MROH2B: variants seen among roughly 807,000 people sequenced by gnomAD.
MROH2B encodes maestro heat like repeat family member 2B, also known as maestro heat-like repeat-containing protein family member 2B.
A neutral mutation model predicts 208.6 loss-of-function variants in MROH2B; 177 were observed. The observed-to-expected ratio is 0.85, with a 90% confidence interval of 0.75 to 0.96. The LOEUF is 0.96. Among genes scored for constraint, MROH2B ranks in the 40% least tolerant of loss-of-function variants. The pLI is 0.00. For synonymous variants in MROH2B, 728 were observed against 659.0 expected (o/e 1.10, Z -1.60); for missense variants, 2,002 against 1,878.7 (o/e 1.07, Z -1.21).
rs746510721 is a variant in MROH2B at position 41,057,393 on chromosome 5, G to T, written c.757-33C>A. The T allele has an allele frequency of 2.7e-6, 4 of 1,504,130 alleles. No individual in the cohort carries two copies. In the South Asian group the frequency reaches 4.9e-5, roughly 18 times the overall value. The allele number at this position is 1,504,130 out of a possible 1,614,324, so 93.2% of individuals were successfully genotyped here. A position where few individuals can be genotyped will look rare whatever the true frequency, so the allele number is the denominator to read the frequency against. On this transcript the variant is annotated intron_variant, in intron 7 of 41. Transcript: ENST00000399564. Reference sequence around the variant, plus strand: ...GGAAACTCCCACAGGTTAGTTGGAGGCTGCCAGGGAAGCAGCTGCACAGGA... The same window carrying T: ...GGAAACTCCCACAGGTTAGTTGGAGTCTGCCAGGGAAGCAGCTGCACAGGA...
chr5:41,002,172 A>G (rs539803333), intron 37 of MROH2B, among the ~76,000 whole-genome samples: 55 of 152,368 alleles, frequency 3.6e-4, no homozygotes, highest in African/African-American at 1.3e-3. Context: ...TTAGTTAAAA[A>G]AGCTTGAATT....
intron 6 of MROH2B, among the ~76,000 whole-genome samples, chr5:41,058,426 A>C (rs1743530258): frequency 6.6e-6 from 1 of 152,118 alleles, no homozygotes; most frequent in South Asian, 2.1e-4. Context: ...ACTGATACTC[A>C]TTTCAATACT....
At chr5:41,039,634 G>T in intron 19 of MROH2B, 79 bp from the exon 20 acceptor site, 2 of 982,526 alleles carry the variant, frequency 2.0e-6, no homozygotes, top group Non-Finnish European at 1.5e-6. Context: ...CCTATTATGT[G>T]CCAGGTATCC....
intron 10 of MROH2B, 81 bp from the exon 11 acceptor site, chr5:41,054,921 A>T: frequency 1.1e-6 from 1 of 929,158 alleles, no homozygotes. Flanking sequence ...AGCTATTAGA[A>T]TTATGGCACA....
At chr5:41,028,777 T>C (rs1451064593) in intron 24 of MROH2B, among the ~76,000 whole-genome samples, 4 of 152,110 alleles carry the variant, frequency 2.6e-5, no homozygotes, top group Non-Finnish European at 4.4e-5. Flanking sequence ...AATATGGTGG[T>C]ACAGATAACT....
Position 41,000,241 on chromosome 5 carries a change from G to A in MROH2B, c.4461C>T (p.Tyr1487=), listed in dbSNP as rs1001420. The change falls in exon 39 of 42, where the codon TAC becomes TAT. Residue 1487 remains tyrosine, a synonymous_variant. Transcript: ENST00000399564. The part of the protein sequence containing the change: ...DQDLPRARDF[Y]RQFCVKLAKK... ...TCACCAGTTTCACACAGAATTGCCT[G>A]TAGAAATCCCTGGCCCTTGGTAGAT... The A allele has an allele frequency of 0.68, 1,097,984 of 1,613,428 alleles. 375,532 individuals carry two copies. Among genetic ancestry groups the A allele is most frequent in the Non-Finnish European group, 0.7 (820,893 of 1,179,596 alleles).
chr5:41,005,956 A>G (rs901731851), intron 34 of MROH2B, among the ~76,000 whole-genome samples: 5 of 150,640 alleles, frequency 3.3e-5, no homozygotes, highest in African/African-American at 1.2e-4. Flanking sequence ...GTTTGAACCC[A>G]GGAGACAGAG....
chr5:41,039,654 TG>T, intron 19 of MROH2B, 99 bp from the exon 20 acceptor site: 1 of 783,410 alleles, frequency 1.3e-6, no homozygotes, highest in Non-Finnish European at 2.0e-6. Context: ...CTTTAGGTGC[TG>T]GGGGTACAGT....
intron 13 of MROH2B, among the ~76,000 whole-genome samples, chr5:41,049,973 T>G (rs1439068910): frequency 6.6e-6 from 1 of 152,226 alleles, no homozygotes; most frequent in African/African-American, 2.4e-5. Flanking sequence ...TCTCTTGTCC[T>G]AATGGAAACC....
intron 24 of MROH2B, among the ~76,000 whole-genome samples, chr5:41,030,458 A>G (rs1467388856): frequency 1.3e-5 from 2 of 152,022 alleles, no homozygotes; most frequent in African/African-American, 4.8e-5. Flanking sequence ...AAGCACTGCT[A>G]AAAGAAATCA....
chr5:40,999,010 T>C (rs1363339072), intron 40 of MROH2B, among the ~76,000 whole-genome samples: 2 of 152,204 alleles, frequency 1.3e-5, no homozygotes, highest in Admixed American at 6.5e-5. Context: ...GGGGGGATCA[T>C]ATGTATGATT....
At chr5:41,052,623 A>G (rs769958301) in intron 11 of MROH2B, 36 bp from the exon 12 acceptor site, 40 of 1,558,674 alleles carry the variant, frequency 2.6e-5, no homozygotes, top group Non-Finnish European at 3.3e-5. Context: ...ACATTTTACT[A>G]TGTTTTGCAG....
chr5:41,068,829 AG>A (rs1270662902), intron 2 of MROH2B, among the ~76,000 whole-genome samples: 1 of 152,186 alleles, frequency 6.6e-6, no homozygotes, highest in Non-Finnish European at 1.5e-5. Context: ...GATTACCTCC[AG>A]GTGCTTAAAA....
intron 15 of MROH2B, among the ~76,000 whole-genome samples, chr5:41,048,710 T>C (rs893547506): frequency 6.6e-6 from 1 of 152,004 alleles, no homozygotes; most frequent in Non-Finnish European, 1.5e-5. Flanking sequence ...CAAAAATAAG[T>C]GGAAAGAATT....
At chr5:41,054,665 G>T in intron 11 of MROH2B, 102 bp downstream of exon 11, 2 of 829,228 alleles carry the variant, frequency 2.4e-6, no homozygotes, top group Non-Finnish European at 3.6e-6. Flanking sequence ...TGACCACAGA[G>T]TTCTTTATAA....
rs574505656 is a variant in MROH2B, at chr5:41,071,063, A to G, written c.-211T>C. On this transcript the variant is annotated 5_prime_UTR_variant, in exon 1 of 42. It removes the in-frame stop codon of an upstream open reading frame in the 5' UTR. Transcript: ENST00000399564. ...GAAGTTGATACTGTATTCTACCACT[A>G]TGACATTGTCTTGCGTCTGAACTCC... 25 of 536,572 alleles carry G rather than the reference A, an allele frequency of 4.7e-5. No individual in the cohort carries two copies. The highest frequency in any genetic ancestry group is 4.6e-4 in the African/African-American group (24 of 52,608). 33.2% of individuals were successfully genotyped at this position (536,572 alleles called of 1,614,324 possible). A position where few individuals can be genotyped will look rare whatever the true frequency, so the allele number is the denominator to read the frequency against.
chr5:41,054,890 T>A, intron 10 of MROH2B, 50 bp from the exon 11 acceptor site: 1 of 1,325,428 alleles, frequency 7.5e-7, no homozygotes, highest in Non-Finnish European at 1.1e-6. Flanking sequence ...AGAAGTACAG[T>A]ATGTTCTAGG....
intron 30 of MROH2B, among the ~76,000 whole-genome samples, chr5:41,012,326 G>A (rs1741797682): frequency 1.3e-5 from 2 of 152,084 alleles, no homozygotes; most frequent in African/African-American, 4.8e-5. Context: ...AAATGGCCTC[G>A]GTTCAGAGCT....
chr5:41,059,328 G>A (rs1743566439), intron 6 of MROH2B, among the ~76,000 whole-genome samples: 1 of 152,068 alleles, frequency 6.6e-6, no homozygotes, highest in African/African-American at 2.4e-5. Flanking sequence ...TTATGTTGAA[G>A]AAAACATAAT....
Sources: allele counts gnomAD v4.1 joint callset (sites outside exome capture counted in the v4.1 genomes callset), GRCh38; gene constraint gnomAD v4.1.1; transcripts MANE v1.5; gene names NCBI Gene and HGNC (gene_info 2026-07-23, HGNC 2026-07-21).